NBAS: variants seen among roughly 807,000 people sequenced by gnomAD.
NBAS encodes the protein NAG/BC035112 fusion.
A neutral mutation model predicts 302.5 loss-of-function variants in NBAS; 219 were observed. The observed-to-expected ratio is 0.72, with a 90% confidence interval of 0.65 to 0.81. The LOEUF (loss-of-function observed/expected upper bound fraction) is 0.81, where lower values mean the gene tolerates loss of function less well. NBAS is among the 30% of genes least tolerant of loss of function. The probability of loss-of-function intolerance (pLI) is 0.00; values close to 1 mark genes in which losing one functional copy is unlikely to be tolerated. For synonymous variants in NBAS, 1,118 were observed against 1,021.6 expected (o/e 1.09, Z -1.80); for missense variants, 2,932 against 2,841.6 (o/e 1.03, Z -0.72).
chr2:15,354,625 G>T (rs115832432), intron 33 of NBAS, among the ~76,000 whole-genome samples: 213 of 152,296 alleles, frequency 1.4e-3, no homozygotes, highest in African/African-American at 4.9e-3. Context: ...TGCTAATGCT[G>T]AAGTTGTAAT....
chr2:14,883,971 C>CAA, the NBAS span, among the ~76,000 whole-genome samples: 165 of 130,886 alleles, frequency 1.3e-3, 1 homozygote, highest in East Asian at 5.1e-3. Context: ...GACCTTCTCT[C>CAA]AAAAAAAATA....
At chr2:14,955,265 G>A in the NBAS span, among the ~76,000 whole-genome samples, 3 of 152,206 alleles carry the variant, frequency 2.0e-5, no homozygotes, top group South Asian at 2.1e-4. Context: ...CAAGAGGTGG[G>A]CTCCCACAGC....
intron 38 of NBAS, among the ~76,000 whole-genome samples, chr2:15,318,599 C>T (rs911125657): frequency 6.6e-6 from 1 of 152,070 alleles, no homozygotes; most frequent in Non-Finnish European, 1.5e-5. Flanking sequence ...GGGTTGCAAT[C>T]CTAGTCTCTG....
At chr2:14,834,494 T>C in the NBAS span, among the ~76,000 whole-genome samples, 1 of 152,148 alleles carries the variant, frequency 6.6e-6, no homozygotes, top group African/African-American at 2.4e-5. Flanking sequence ...ATATCCATTA[T>C]GCAATTATTG....
At chr2:15,251,923 C>T (rs978678344) in intron 44 of NBAS, among the ~76,000 whole-genome samples, 1 of 152,150 alleles carries the variant, frequency 6.6e-6, no homozygotes, top group African/African-American at 2.4e-5. Context: ...GATGGAGTTG[C>T]TCTGGTTCAA....
chr2:15,558,759 G>T, intron 1 of NBAS, 125 bp from the exon 2 acceptor site: 1 of 778,912 alleles, frequency 1.3e-6, no homozygotes, highest in Non-Finnish European at 2.2e-6. Flanking sequence ...CAGGGAAGCA[G>T]TGTCTTAAAA....
intron 21 of NBAS, among the ~76,000 whole-genome samples, chr2:15,452,573 G>A (rs1283457714): frequency 6.8e-6 from 1 of 147,396 alleles, no homozygotes; most frequent in African/African-American, 2.5e-5. Flanking sequence ...GGGCAACACA[G>A]AGAGACTCTG....
At chr2:14,867,710 A>G in the NBAS span, among the ~76,000 whole-genome samples, 1 of 152,206 alleles carries the variant, frequency 6.6e-6, no homozygotes, top group Non-Finnish European at 1.5e-5. Flanking sequence ...TGTCTTCTGA[A>G]AGGTGGAATT....
the NBAS span, among the ~76,000 whole-genome samples, chr2:14,931,863 A>G: frequency 5.7e-4 from 87 of 152,240 alleles, no homozygotes; most frequent in Non-Finnish European, 8.7e-4. Flanking sequence ...ATCCGTATTT[A>G]CTATCATTGT....
At chr2:14,780,633 A>C in the NBAS span, among the ~76,000 whole-genome samples, 188 of 152,354 alleles carry the variant, frequency 1.2e-3, 1 homozygote, top group African/African-American at 4.3e-3. Context: ...TGCTTTCATC[A>C]AACATTCACC....
chr2:15,349,057 A>T (rs1459818403), intron 35 of NBAS, among the ~76,000 whole-genome samples: 1 of 152,246 alleles, frequency 6.6e-6, no homozygotes, highest in African/African-American at 2.4e-5. Flanking sequence ...AAAACTCTAT[A>T]AAATAACACT....
chr2:15,156,342 G>A, the NBAS span, among the ~76,000 whole-genome samples: 3 of 152,208 alleles, frequency 2.0e-5, no homozygotes, highest in Non-Finnish European at 4.4e-5. Flanking sequence ...AGGAGTGTGA[G>A]GTTGGCTTCA....
At chr2:15,153,819 G>A in the NBAS span, among the ~76,000 whole-genome samples, 1 of 152,156 alleles carries the variant, frequency 6.6e-6, no homozygotes, top group African/African-American at 2.4e-5. Flanking sequence ...TTCTTTATAG[G>A]GAGGTTGTGA....
the NBAS span, among the ~76,000 whole-genome samples, chr2:15,102,302 GA>G: frequency 6.6e-6 from 1 of 152,178 alleles, no homozygotes; most frequent in East Asian, 1.9e-4. Flanking sequence ...ACTATTACAA[GA>G]AGGTGGAAAG....
chr2:14,835,442 C>T, the NBAS span, among the ~76,000 whole-genome samples: 163 of 152,044 alleles, frequency 1.1e-3, no homozygotes, highest in African/African-American at 3.8e-3. Context: ...CAGATAGTCA[C>T]CTGCCTAATG....
At chr2:14,785,222 G>A in the NBAS span, among the ~76,000 whole-genome samples, 1 of 152,182 alleles carries the variant, frequency 6.6e-6, no homozygotes, top group Non-Finnish European at 1.5e-5. Flanking sequence ...ATTTTGGGCT[G>A]AGACGATGGG....
intron 27 of NBAS, 102 bp from the exon 28 acceptor site, chr2:15,394,451 A>T: frequency 8.0e-7 from 1 of 1,255,788 alleles, no homozygotes; most frequent in Non-Finnish European, 1.1e-6. Context: ...TATTAAAAAA[A>T]AATTATCCCA....
the NBAS span, among the ~76,000 whole-genome samples, chr2:15,110,985 A>T: frequency 6.6e-6 from 1 of 152,162 alleles, no homozygotes; most frequent in South Asian, 2.1e-4. Context: ...ACTTTGGGGG[A>T]GATACATCTA....
chr2:15,046,077 C>A, the NBAS span, among the ~76,000 whole-genome samples: 1 of 152,198 alleles, frequency 6.6e-6, no homozygotes, highest in African/African-American at 2.4e-5. Flanking sequence ...CTCCCATAGG[C>A]ACTGTCTCTC....
Sources: gnomAD v4.1 joint callset for allele counts (sites outside exome capture counted in the v4.1 genomes callset) on GRCh38, gnomAD v4.1.1 for gene constraint, MANE v1.5 for transcripts, NCBI Gene and HGNC (gene_info 2026-07-23, HGNC 2026-07-21) for gene names.